The following TTC7B variants were observed in gnomAD, a reference collection of about 807,000 sequenced individuals.
TTC7B encodes the protein tetratricopeptide repeat domain 7B.
In TTC7B, 28 loss-of-function variants were observed where a neutral mutation model predicts 106.8. The observed-to-expected ratio is 0.26, with a 90% CI of 0.19 to 0.36. TTC7B has a LOEUF of 0.36. TTC7B is among the 10% of genes least tolerant of loss of function. The pLI, the probability that TTC7B is intolerant of heterozygous loss-of-function variation, is 1.00. For missense variants in TTC7B, 862 were observed against 1,076.4 expected (o/e 0.80, Z 2.79); for synonymous variants, 405 against 430.6 (o/e 0.94, Z 0.74).
chr14:90,744,792 C>G lies in TTC7B; in HGVS notation c.576G>C (p.Arg192Ser), dbSNP rs753151318. Reference protein sequence around the residue: ...IALLYLQEIERVILSNIQNRS... With the variant: ...IALLYLQEIESVILSNIQNRS... ...GAACAAACACGTGGTCCTCACTTACCCTTTCTATCTCTTGGAGATACAGGA... is the reference window on the plus strand; with the variant it reads ...GAACAAACACGTGGTCCTCACTTACGCTTTCTATCTCTTGGAGATACAGGA... Residue 192 changes from arginine to serine, a missense_variant and splice_region_variant, in exon 4 of 20, where the codon AGG becomes AGC. Transcript: ENST00000328459. The G allele has an allele frequency of 1.9e-6, 3 of 1,612,196 alleles. No individual in the cohort carries two copies. Among genetic ancestry groups the G allele is most frequent in the Non-Finnish European group, 2.5e-6 (3 of 1,179,566 alleles).
chr14:90,758,413 C>G (rs1178499829), intron 3 of TTC7B, among the ~76,000 whole-genome samples: 2 of 76,348 alleles, frequency 2.6e-5, no homozygotes, highest in Admixed American at 3.2e-4. Context: ...GGGGCGGGGT[C>G]GGGGACAGCA....
rs1486159378 is a variant in TTC7B at position 90,534,567 on chromosome 14, C to CTTGAGTGGTGT, written c.*6800_*6801insACACCACTCAA. 1.3e-5 allele frequency: 2 copies of CTTGAGTGGTGT among 152,484 alleles called. No individual in the cohort carries two copies. The highest frequency in any genetic ancestry group is 2.4e-5 in the African/African-American group (1 of 41,446). 9.4% of individuals were successfully genotyped at this position (152,484 alleles called of 1,614,324 possible). ...GTGGTGTCCCCTCACTGGGCAATGC[C>CTTGAGTGGTGT]CACCCTGTCGGCCTTGAGAGGTGGT... On this transcript the variant is annotated 3_prime_UTR_variant, in exon 20 of 20. Coordinates refer to ENST00000328459, the MANE Select transcript of TTC7B (RefSeq NM_001010854.2).
intron 17 of TTC7B, among the ~76,000 whole-genome samples, chr14:90,595,179 A>G (rs1443058577): frequency 4.0e-5 from 6 of 151,800 alleles, no homozygotes; most frequent in Non-Finnish European, 1.5e-5. Context: ...TAAAAATACA[A>G]AAAATTAGCC....
At chr14:90,677,874 C>T in intron 8 of TTC7B, 1 of 446,986 alleles carries the variant, frequency 2.2e-6, no homozygotes, top group South Asian at 1.6e-5. Context: ...ATATATAAGA[C>T]AGGCCACTTC....
At chr14:90,576,930 C>T (rs1891281454) in intron 19 of TTC7B, among the ~76,000 whole-genome samples, 1 of 152,142 alleles carries the variant, frequency 6.6e-6, no homozygotes, top group African/African-American at 2.4e-5. Flanking sequence ...TAGTCAAATG[C>T]CTTCATTTTG....
chr14:90,721,784 C>T (rs1485431081), intron 5 of TTC7B, among the ~76,000 whole-genome samples: 1 of 152,156 alleles, frequency 6.6e-6, no homozygotes, highest in African/African-American at 2.4e-5. Context: ...CAACTGTTTC[C>T]CCAATGATAC....
intron 5 of TTC7B, among the ~76,000 whole-genome samples, chr14:90,709,247 T>G (rs1301320468): frequency 6.6e-6 from 1 of 150,718 alleles, no homozygotes; most frequent in East Asian, 1.9e-4. Context: ...GTATGTTTAT[T>G]GCGGCACTAT....
intron 7 of TTC7B, among the ~76,000 whole-genome samples, chr14:90,681,987 G>A (rs1887070083): frequency 6.6e-6 from 1 of 152,098 alleles, no homozygotes; most frequent in Non-Finnish European, 1.5e-5. Context: ...TGCAAATAAA[G>A]CAGTAACATG....
Position 90,630,831 on chromosome 14 carries a change from G to GT in TTC7B, c.1752-12787dup, listed in dbSNP as rs201616174. The stretch of plus-strand genomic sequence containing the variant: ...ATCCATCAGAATGTCCTTCTATCTT[G>GT]TTTTTTGTTTTTTTTTTTTTTGAGA... On this transcript the variant is annotated intron_variant, in intron 15 of 19. Coordinates refer to ENST00000328459, the MANE Select transcript of TTC7B (RefSeq NM_001010854.2). 3.3e-4 allele frequency among the ~76,000 whole-genome samples: 47 copies of GT among 141,886 alleles called. 3 individuals carry two copies. Among genetic ancestry groups the GT allele is most frequent in the South Asian group, 4.4e-4 (2 of 4,558 alleles). 93.1% of individuals were successfully genotyped at this position (141,886 alleles called of 152,430 possible).
At chr14:90,754,390 G>A (rs1890223456) in intron 3 of TTC7B, among the ~76,000 whole-genome samples, 2 of 152,322 alleles carry the variant, frequency 1.3e-5, no homozygotes, top group East Asian at 1.9e-4. Flanking sequence ...ATCCACAGCT[G>A]ATTTTATATG....
intron 1 of TTC7B, among the ~76,000 whole-genome samples, chr14:90,795,527 G>C (rs542204734): frequency 2.1e-4 from 32 of 152,222 alleles, no homozygotes; most frequent in Non-Finnish European, 3.7e-4. Flanking sequence ...AGGGGAAAGA[G>C]CTTTGGCCTC....
intron 1 of TTC7B, among the ~76,000 whole-genome samples, chr14:90,801,180 A>T (rs145128118): frequency 0.015 from 2,180 of 146,030 alleles, 42 homozygotes; most frequent in Middle Eastern, 0.022. Flanking sequence ...AGCCATGATC[A>T]CACCACTGCA....
At position 90,802,069 on chromosome 14, in the gene TTC7B, GAA is replaced by G. The variant is rs553963013; in HGVS notation, c.121+14104_121+14105del. Reference sequence around the variant, plus strand: ...AGAGCGAAAACTCCATCTCAGGAAGGAAAAAAAAAAAAAAGAAAGAAAGAAAG... The same window carrying G: ...AGAGCGAAAACTCCATCTCAGGAAGGAAAAAAAAAAAAGAAAGAAAGAAAG... On this transcript the variant is annotated intron_variant, in intron 1 of 19. Transcript: ENST00000328459. This position sits in a 1 kb window ranked among gnomAD's most constrained non-coding sequence, Gnocchi z 4.7. Among the ~76,000 whole-genome samples the G allele has an allele frequency of 1.1e-4, 14 of 130,462 alleles. No homozygotes were observed. Among genetic ancestry groups the G allele is most frequent in the South Asian group, 2.4e-4 (1 of 4,146 alleles). 85.6% of individuals were successfully genotyped at this position (130,462 alleles called of 152,430 possible).
At chr14:90,762,706 A>G (rs1890540919) in intron 3 of TTC7B, among the ~76,000 whole-genome samples, 1 of 152,246 alleles carries the variant, frequency 6.6e-6, no homozygotes, top group Non-Finnish European at 1.5e-5. Flanking sequence ...GCTGTAGAAC[A>G]GAATAGAGAC....
At position 90,678,789 on chromosome 14, in the gene TTC7B, AT is replaced by A. The variant is rs574031999; in HGVS notation, c.1014+1682del. On this transcript the variant is annotated intron_variant, in intron 8 of 19. Transcript: ENST00000328459. ...AAAGACATCTCCACTTAGTGCAAGC[AT>A]TTTAGAGAGGTGGCCATGTTTTCCA... 1.3e-4 allele frequency among the ~76,000 whole-genome samples: 20 copies of A among 152,354 alleles called. No homozygotes were observed. In the East Asian group the frequency reaches 3.7e-3, roughly 28 times the overall value.
intron 5 of TTC7B, among the ~76,000 whole-genome samples, chr14:90,724,749 C>A (rs553075013): frequency 6.6e-6 from 1 of 152,164 alleles, no homozygotes; most frequent in Admixed American, 6.5e-5. Context: ...ATAAAATACC[C>A]GGTCTCAGGT....
At chr14:90,638,064 A>G (rs1047709175) in intron 15 of TTC7B, among the ~76,000 whole-genome samples, 1 of 125,782 alleles carries the variant, frequency 8.0e-6, no homozygotes, top group Non-Finnish European at 1.7e-5. Flanking sequence ...TTTTTTTTTT[A>G]TCTAGAGATG....
In TTC7B at chr14:90,813,672, C is replaced by CT. The variant is rs374826647; in HGVS notation, c.121+2502dup. Among the ~76,000 whole-genome samples the CT allele has an allele frequency of 8.9e-3, 1,251 of 140,730 alleles. 12 individuals carry two copies. Among genetic ancestry groups the CT allele is most frequent in the Admixed American group, 9.8e-3 (138 of 14,112 alleles). The allele number at this position is 140,730 out of a possible 152,430, so 92.3% of individuals were successfully genotyped here. A position where few individuals can be genotyped will look rare whatever the true frequency, so the allele number is the denominator to read the frequency against. On this transcript the variant is annotated intron_variant, in intron 1 of 19. Transcript: ENST00000328459. Reference sequence around the variant, plus strand: ...TCTGGCTGGCTCCAAACACTGTATTCTTTTTTTTTTTTTTTCGCCTGTGGT... The same window carrying CT: ...TCTGGCTGGCTCCAAACACTGTATTCTTTTTTTTTTTTTTTTCGCCTGTGGT...
intron 3 of TTC7B, among the ~76,000 whole-genome samples, chr14:90,775,149 A>G (rs760805535): frequency 1.3e-5 from 2 of 152,122 alleles, no homozygotes. Flanking sequence ...GCACCAATGT[A>G]TTCATGGAAA....
Sources: gnomAD v4.1 joint callset for allele counts (sites outside exome capture counted in the v4.1 genomes callset) on GRCh38, gnomAD v4.1.1 for gene constraint, Gnocchi (gnomAD v3.1) non-coding constraint, MANE v1.5 for transcripts, NCBI Gene and HGNC (gene_info 2026-07-23, HGNC 2026-07-21) for gene names.